Variants in HDAC9 observed in about 807,000 individuals in gnomAD.
The protein encoded by HDAC9 is histone deacetylase 9, also known as MEF-2 interacting transcription repressor (MITR) protein.
A neutral mutation model predicts 139.4 loss-of-function variants in HDAC9; 41 were observed. The observed-to-expected ratio is 0.29, with a 90% confidence interval of 0.23 to 0.38. HDAC9 has a LOEUF of 0.38. HDAC9 is among the 10% of genes least tolerant of loss of function. HDAC9 has a pLI of 1.00. For missense variants in HDAC9, 1,147 were observed against 1,297.0 expected (o/e 0.88, Z 1.78); for synonymous variants, 517 against 476.2 (o/e 1.09, Z -1.12).
chr7:18,563,930 G>A (rs1007889712), intron 2 of HDAC9, among the ~76,000 whole-genome samples: 2 of 150,438 alleles, frequency 1.3e-5, no homozygotes, highest in African/African-American at 2.5e-5. Context: ...TGCTGTCCTA[G>A]GTTCAAGCAA....
chr7:18,395,756 C>A (rs1277765647), intron 1 of HDAC9, among the ~76,000 whole-genome samples: 1 of 152,098 alleles, frequency 6.6e-6, no homozygotes. Flanking sequence ...AACCACTGTT[C>A]TCCCAAGGCC....
At chr7:18,217,181 A>G (rs1180020722) in intron 2 of HDAC9, among the ~76,000 whole-genome samples, 4 of 152,080 alleles carry the variant, frequency 2.6e-5, no homozygotes, top group Non-Finnish European at 5.9e-5. Flanking sequence ...ATTTTATTGA[A>G]CTATTAAAAT....
At chr7:18,460,369 A>G (rs950355446) in intron 1 of HDAC9, among the ~76,000 whole-genome samples, 1 of 152,108 alleles carries the variant, frequency 6.6e-6, no homozygotes, top group African/African-American at 2.4e-5. Context: ...AGAATAAACA[A>G]TATTTTTTTC....
At chr7:18,320,354 G>A (rs150313580) in intron 1 of HDAC9, among the ~76,000 whole-genome samples, 226 of 152,308 alleles carry the variant, frequency 1.5e-3, no homozygotes, top group African/African-American at 5.0e-3. Flanking sequence ...GCTAATGGAG[G>A]AGCTTGCTGT....
chr7:18,153,022 G>A (rs1371914502), intron 1 of HDAC9, among the ~76,000 whole-genome samples: 4 of 152,196 alleles, frequency 2.6e-5, no homozygotes, highest in Admixed American at 2.0e-4. Context: ...GAAGTTAGTT[G>A]TAGGTATAAA....
chr7:18,145,635 G>C (rs763373587), intron 1 of HDAC9, among the ~76,000 whole-genome samples: 4 of 152,148 alleles, frequency 2.6e-5, no homozygotes, highest in Non-Finnish European at 5.9e-5. Context: ...CACTCCAGAA[G>C]ACTGACTGGA....
chr7:18,147,801 T>A (rs911027928), intron 1 of HDAC9, among the ~76,000 whole-genome samples: 1 of 152,078 alleles, frequency 6.6e-6, no homozygotes, highest in Non-Finnish European at 1.5e-5. Flanking sequence ...TATTACGATA[T>A]TATTTCATAT....
rs571268268 is a variant in HDAC9 at position 18,227,325 on chromosome 7, G to A, written c.25+64976G>A. 1.9e-4 allele frequency among the ~76,000 whole-genome samples: 29 copies of A among 152,024 alleles called. 1 individual carries two copies. The highest frequency in any genetic ancestry group is 2.9e-4 in the Non-Finnish European group (20 of 67,968). Reference sequence around the variant, plus strand: ...TTTTTTTGAAAGAATATAAAAATTCGCTGTTTCCTGCCACTGTTTACTACA... The same window carrying A: ...TTTTTTTGAAAGAATATAAAAATTCACTGTTTCCTGCCACTGTTTACTACA... On this transcript the variant is annotated intron_variant, in intron 2 of 12. Coordinates refer to the HDAC9 transcript ENST00000417496.
intron 1 of HDAC9, among the ~76,000 whole-genome samples, chr7:18,324,733 T>C (rs1379895890): frequency 6.6e-6 from 1 of 152,174 alleles, no homozygotes; most frequent in East Asian, 1.9e-4. Context: ...AGAAGCATTA[T>C]TGTAGAGCAT....
At chr7:18,688,108 A>G (rs1355408130) in intron 12 of HDAC9, among the ~76,000 whole-genome samples, 3 of 151,798 alleles carry the variant, frequency 2.0e-5, no homozygotes, top group Non-Finnish European at 4.4e-5. Flanking sequence ...CTATGTCTAT[A>G]TGTGTGTGTA....
chr7:18,763,369 C>T (rs114805718), intron 15 of HDAC9, among the ~76,000 whole-genome samples: 2 of 152,036 alleles, frequency 1.3e-5, no homozygotes, highest in South Asian at 4.1e-4. Flanking sequence ...CCCACACATG[C>T]GTGTAGCAGT....
chr7:18,664,462 A>G (rs1191942884), intron 11 of HDAC9, among the ~76,000 whole-genome samples: 1 of 152,118 alleles, frequency 6.6e-6, no homozygotes, highest in Non-Finnish European at 1.5e-5. Context: ...TCACCCAAAT[A>G]TATTATAAAT....
intron 23 of HDAC9, among the ~76,000 whole-genome samples, chr7:18,938,526 T>C (rs1306731801): frequency 6.8e-6 from 1 of 147,246 alleles, no homozygotes; most frequent in African/African-American, 2.5e-5. Context: ...ACCCGAGAGG[T>C]GGAGCTTGCA....
chr7:18,184,331 G>A (rs963994137), intron 2 of HDAC9, among the ~76,000 whole-genome samples: 1 of 152,100 alleles, frequency 6.6e-6, no homozygotes, highest in African/African-American at 2.4e-5. Context: ...ACCCAGGAGG[G>A]TGAGGTTGCG....
intron 6 of HDAC9, among the ~76,000 whole-genome samples, chr7:18,616,013 G>A (rs964469015): frequency 6.6e-6 from 1 of 152,070 alleles, no homozygotes; most frequent in Non-Finnish European, 1.5e-5. Flanking sequence ...TCTGGCTTCC[G>A]GAGGCTGCCT....
At position 18,930,507 on chromosome 7, in the gene HDAC9, A is replaced by T. The variant is rs550442866; in HGVS notation, c.2804-5302A>T. On this transcript the variant is annotated intron_variant, in intron 22 of 25. Transcript: ENST00000686413. ...CGTACACATGCCACTGAAACCTTTA[A>T]TATGTCCTGAAAAATAATACCTTCA... Among the ~76,000 whole-genome samples the T allele has an allele frequency of 2.6e-5, 4 of 152,256 alleles. No homozygotes were observed. In the South Asian group the frequency reaches 8.3e-4, roughly 32 times the overall value.
intron 16 of HDAC9, among the ~76,000 whole-genome samples, chr7:18,772,459 T>G (rs928738877): frequency 1.3e-5 from 2 of 152,072 alleles, no homozygotes; most frequent in Non-Finnish European, 2.9e-5. Context: ...GCACAATGCC[T>G]TTTGTTACAT....
chr7:18,737,435 C>G (rs1436056437), intron 13 of HDAC9, among the ~76,000 whole-genome samples: 2 of 152,180 alleles, frequency 1.3e-5, no homozygotes, highest in Non-Finnish European at 2.9e-5. Flanking sequence ...TAAGTGGTGT[C>G]TTTGTTCTCA....
chr7:18,269,070 G>C (rs1796182204), intron 2 of HDAC9, among the ~76,000 whole-genome samples: 1 of 152,114 alleles, frequency 6.6e-6, no homozygotes, highest in African/African-American at 2.4e-5. Context: ...TGAGTTTGCT[G>C]CCCTTTGAGG....
Sources: allele counts gnomAD v4.1 joint callset (sites outside exome capture counted in the v4.1 genomes callset), GRCh38; gene constraint gnomAD v4.1.1; transcripts MANE v1.5; gene names NCBI Gene and HGNC (gene_info 2026-07-23, HGNC 2026-07-21).